Variants in RNF130 observed in about 807,000 individuals in gnomAD.
RNF130 encodes the protein E3 ubiquitin-protein ligase RNF130.
Under a neutral mutation model 44.6 loss-of-function variants are expected in RNF130, and 21 were observed. The observed-to-expected ratio is 0.47, with a 90% CI of 0.33 to 0.68. RNF130 has a LOEUF of 0.68. Ranked by LOEUF, RNF130 falls within the 30% of genes least tolerant of loss-of-function variation. The pLI, the probability that RNF130 is intolerant of heterozygous loss-of-function variation, is 0.02. For synonymous variants in RNF130, 214 were observed against 210.4 expected (o/e 1.02, Z -0.15); for missense variants, 479 against 560.6 (o/e 0.85, Z 1.47).
At chr5:179,990,098 A>G (rs1233378603) in intron 3 of RNF130, among the ~76,000 whole-genome samples, 3 of 152,164 alleles carry the variant, frequency 2.0e-5, no homozygotes, top group Middle Eastern at 3.2e-3. Context: ...GACACAAGAC[A>G]AAGAGATAAA....
At chr5:179,935,922 T>C (rs184790709) in intron 7 of RNF130, among the ~76,000 whole-genome samples, 3 of 152,286 alleles carry the variant, frequency 2.0e-5, no homozygotes, top group Non-Finnish European at 2.9e-5. Context: ...CCATCTTTTG[T>C]GCAGTTGATG....
chr5:180,060,447 AAC>A (rs1172130669), intron 1 of RNF130, among the ~76,000 whole-genome samples: 3 of 152,332 alleles, frequency 2.0e-5, no homozygotes, highest in South Asian at 4.1e-4. Flanking sequence ...AAGCTGAAGA[AAC>A]ACATGCTAAA....
At chr5:179,951,206 A>G (rs113571106), downstream of RNF130, among the ~76,000 whole-genome samples, 1,382 of 152,270 alleles carry the variant, frequency 9.1e-3, 27 homozygotes, top group East Asian at 0.079. Context: ...AACTACATGA[A>G]GCAAAACAGA....
At chr5:179,964,417 A>C (rs1382632197) in intron 7 of RNF130, 1 of 152,264 alleles carries the variant, frequency 6.6e-6, no homozygotes, top group Non-Finnish European at 1.5e-5. Flanking sequence ...CCTAAGAACC[A>C]ATCTGACTTG....
intron 7 of RNF130, among the ~76,000 whole-genome samples, chr5:179,929,038 G>A (rs1344923619): frequency 6.6e-6 from 1 of 152,174 alleles, no homozygotes; most frequent in Non-Finnish European, 1.5e-5. Context: ...AGAAGTCTTT[G>A]CCTATCTGAA....
Position 180,013,204 on chromosome 5 carries a change from G to C in RNF130, c.550C>G (p.Arg184Gly). 6.2e-7 allele frequency: 1 copy of C among 1,614,126 alleles called. No individual in the cohort carries two copies. Among genetic ancestry groups the C allele is most frequent in the Non-Finnish European group, 8.5e-7 (1 of 1,180,038 alleles). Residue 184 changes from arginine (R) to glycine (G), a missense_variant, in exon 3 of 9, where the codon CGA becomes GGA. Physicochemically the swap from Arg to Gly is moderately radical, Grantham distance 125. Transcript: ENST00000521389. ...CGGCTGAAGTTCTTCGGTGGCATTC[G>C]AGTTCCAACAGCTATTGTCATTTGT... ...SVQMTIAVGT[R>G]MPPKNFSRGS... is the part of the protein sequence containing the mutation.
exon 8 of RNF130, chr5:179,914,350 C>T (rs962449983): frequency 6.6e-6 from 1 of 152,272 alleles, no homozygotes; most frequent in Non-Finnish European, 1.5e-5. Flanking sequence ...CCGGGTGACA[C>T]TGAACACACG....
chr5:179,981,665 A>G (rs1281644951), intron 3 of RNF130, among the ~76,000 whole-genome samples: 1 of 152,210 alleles, frequency 6.6e-6, no homozygotes, highest in Non-Finnish European at 1.5e-5. Context: ...GTTAGATGCC[A>G]CTGTCTTTCC....
At chr5:179,948,692 GAA>G (rs954268588) in intron 7 of RNF130, among the ~76,000 whole-genome samples, 13 of 152,000 alleles carry the variant, frequency 8.6e-5, no homozygotes, top group African/African-American at 2.9e-4. Flanking sequence ...GAGAGAGAGA[GAA>G]AAAAAGAGTC....
downstream of RNF130, among the ~76,000 whole-genome samples, chr5:179,952,777 C>T (rs1762146126): frequency 6.6e-6 from 1 of 152,112 alleles, no homozygotes; most frequent in Non-Finnish European, 1.5e-5. Flanking sequence ...AAGCTTCCGA[C>T]AGAATCAAAA....
At chr5:179,980,075 A>C in intron 4 of RNF130, 54 bp downstream of exon 4, 1 of 1,540,380 alleles carries the variant, frequency 6.5e-7, no homozygotes, top group South Asian at 1.1e-5. Context: ...CCACCAAACA[A>C]AAACAAAACT....
At chr5:179,952,336 T>C (rs1762138311), downstream of RNF130, among the ~76,000 whole-genome samples, 1 of 152,094 alleles carries the variant, frequency 6.6e-6, no homozygotes, top group African/African-American at 2.4e-5. Flanking sequence ...ATAAAAAACC[T>C]GAATAGGCCT....
chr5:179,951,218 A>G (rs1397307931), downstream of RNF130, among the ~76,000 whole-genome samples: 3 of 152,196 alleles, frequency 2.0e-5, no homozygotes, highest in Admixed American at 2.0e-4. Context: ...CAAAACAGAC[A>G]GAATAAAAGG....
rs549465898 is a variant in RNF130 at position 180,057,323 on chromosome 5, A to T, written c.247+14133T>A. 1.5e-3 allele frequency among the ~76,000 whole-genome samples: 230 copies of T among 152,286 alleles called. 5 individuals carry two copies. Among genetic ancestry groups the T allele is most frequent in the Admixed American group, 6.3e-3 (96 of 15,302 alleles). On this transcript the variant is annotated intron_variant, in intron 1 of 8. Coordinates refer to ENST00000521389, the MANE Select transcript of RNF130 (RefSeq NM_018434.6). ...CAGCACTTTGGGAGGCCGAGGCGGG[A>T]GGATCACCCGAGGTCAGGAGTTTGA...
At chr5:179,960,244 T>C (rs1304144120) in intron 8 of RNF130, among the ~76,000 whole-genome samples, 2 of 152,238 alleles carry the variant, frequency 1.3e-5, no homozygotes, top group African/African-American at 4.8e-5. Context: ...AGCCAATATG[T>C]AAATATATTT....
rs1320512842 is a variant in RNF130 at position 179,977,678 on chromosome 5, C to G, written c.848+525G>C. 2.6e-5 allele frequency among the ~76,000 whole-genome samples: 4 copies of G among 152,046 alleles called. No homozygotes were observed. The highest frequency in any genetic ancestry group is 1.3e-4 in the Admixed American group (2 of 15,268). On this transcript the variant is annotated intron_variant, in intron 5 of 8. Transcript: ENST00000521389. The surrounding 1 kb of genome is among the most constrained non-coding windows in gnomAD (Gnocchi z 4.1). ...GACCAACTGGCCAACATGATGAAAC[C>G]CCGTCTCTACTAAAAATACAAAAAT...
At chr5:179,939,802 C>A in intron 7 of RNF130, 1 of 395,000 alleles carries the variant, frequency 2.5e-6, no homozygotes. Context: ...TCAAATGGGT[C>A]TTCAAAGAAG....
At chr5:179,942,984 C>T (rs186480948) in intron 7 of RNF130, among the ~76,000 whole-genome samples, 1 of 152,264 alleles carries the variant, frequency 6.6e-6, no homozygotes, top group East Asian at 1.9e-4. Flanking sequence ...ATCATGAGGT[C>T]AAGAGATCGA....
chr5:180,062,760 C>G (rs536220443), intron 1 of RNF130, among the ~76,000 whole-genome samples: 1 of 152,316 alleles, frequency 6.6e-6, no homozygotes, highest in African/African-American at 2.4e-5. Context: ...CAATCTTAAC[C>G]TGTACAAGTA....
Sources: gnomAD v4.1 joint callset for allele counts (sites outside exome capture counted in the v4.1 genomes callset) on GRCh38, gnomAD v4.1.1 for gene constraint, Gnocchi (gnomAD v3.1) non-coding constraint, MANE v1.5 for transcripts, NCBI Gene and HGNC (gene_info 2026-07-23, HGNC 2026-07-21) for gene names.